Variants in APLF observed in about 807,000 individuals in gnomAD.
APLF encodes aprataxin and PNK-like factor.
A neutral mutation model predicts 55.6 loss-of-function variants in APLF; 61 were observed. The ratio of observed to expected loss-of-function variants is 1.10; its 90% CI spans 0.89 to 1.36. APLF has a LOEUF of 1.36. Ranked by LOEUF, APLF falls within the 40% of genes most tolerant of loss-of-function variation. The pLI is 0.00. For missense variants in APLF, 611 were observed against 602.5 expected, an observed-to-expected ratio of 1.01 and a Z score of -0.15; for synonymous variants, 207 against 214.8, an observed-to-expected ratio of 0.96 and a Z score of 0.32.
At chr2:68,569,600 A>G (rs1671398678) in intron 9 of APLF, among the ~76,000 whole-genome samples, 1 of 152,110 alleles carries the variant, frequency 6.6e-6, no homozygotes, top group African/African-American at 2.4e-5. Flanking sequence ...GCACTTTGGC[A>G]AATAATGATG....
At chr2:68,538,452 T>C (rs1005059300) in intron 7 of APLF, among the ~76,000 whole-genome samples, 9 of 152,214 alleles carry the variant, frequency 5.9e-5, no homozygotes, top group African/African-American at 2.2e-4. Context: ...ATAGACATGC[T>C]GACTAATGTG....
intron 7 of APLF, 141 bp from the exon 8 acceptor site, chr2:68,545,046 C>T (rs1227193613): frequency 1.1e-6 from 1 of 925,916 alleles, no homozygotes; most frequent in Non-Finnish European, 1.6e-6. Flanking sequence ...TTGATGTAAT[C>T]TGCGCTTATG....
intron 5 of APLF, among the ~76,000 whole-genome samples, chr2:68,519,182 C>A (rs1290967450): frequency 7.4e-6 from 1 of 135,532 alleles, no homozygotes; most frequent in Non-Finnish European, 1.6e-5. Flanking sequence ...ACCAATGTGA[C>A]TATATATTTA....
In APLF at chr2:68,538,185, A is replaced by G. The variant is rs1198133824; in HGVS notation, c.1118A>G (p.Lys373Arg). The change falls in exon 7 of 10, where the codon AAG becomes AGG. Residue 373 changes from lysine to arginine, a missense_variant. Lys to Arg is a conservative substitution (Grantham distance 26). Coordinates refer to ENST00000303795, the MANE Select transcript of APLF (RefSeq NM_173545.3). ...GTTCTACAAGGTTCTGAAGGAAACA[A>G]GGTCAAGAGGACATCCTGCATGTAT... ...DSVLQGSEGN[K>R]VKRTSCMYGA... 6.2e-7 allele frequency: 1 copy of G among 1,612,010 alleles called. No individual in the cohort carries two copies. The highest frequency in any genetic ancestry group is 8.5e-7 in the Non-Finnish European group (1 of 1,179,438).
At chr2:68,540,231 A>G (rs892048539) in intron 7 of APLF, among the ~76,000 whole-genome samples, 24 of 151,360 alleles carry the variant, frequency 1.6e-4, no homozygotes, top group African/African-American at 5.8e-4. Flanking sequence ...TCATTGTTCA[A>G]CTCCCACTTA....
intron 1 of APLF, among the ~76,000 whole-genome samples, chr2:68,481,372 G>GTT (rs1038431043): frequency 1.3e-5 from 2 of 151,782 alleles, no homozygotes; most frequent in South Asian, 4.2e-4. Context: ...GTTTTGTTTT[G>GTT]TTTTGTTTTG....
chr2:68,467,774 C>T lies in APLF; in HGVS notation c.43C>T (p.Arg15Trp). The T allele has an allele frequency of 3.2e-6, 4 of 1,234,486 alleles. No homozygotes were observed. Among genetic ancestry groups the T allele is most frequent in the South Asian group, 4.1e-5 (1 of 24,402 alleles). The allele number at this position is 1,234,486 out of a possible 1,614,324, so 76.5% of individuals were successfully genotyped here. The change falls in exon 1 of 10, where the codon CGG becomes TGG. Residue 15 changes from arginine to tryptophan, a missense_variant. Arg to Trp is a moderately radical substitution (Grantham distance 101). Coordinates refer to ENST00000303795, the MANE Select transcript of APLF (RefSeq NM_173545.3). ...FELQPRDGGP[R>W]VALAPGETVI... The stretch of plus-strand genomic sequence containing the variant: ...GCTGCAGCCGCGGGACGGCGGTCCC[C>T]GGGTGGCCCTGGCGCCCGGGGAGAC...
intron 7 of APLF, among the ~76,000 whole-genome samples, chr2:68,544,578 C>T (rs1352058593): frequency 6.6e-6 from 1 of 152,060 alleles, no homozygotes; most frequent in African/African-American, 2.4e-5. Flanking sequence ...TCAATAAATG[C>T]ACTTTTTCAA....
chr2:68,529,165 G>GC lies in APLF; in HGVS notation c.804+2923_804+2924insC, dbSNP rs1052445592. On this transcript the variant is annotated intron_variant, in intron 6 of 9. Coordinates refer to ENST00000303795, the MANE Select transcript of APLF (RefSeq NM_173545.3). The surrounding 1 kb of genome is among the most constrained non-coding windows in gnomAD (Gnocchi z 4.4). ...CAGACAGCACGGGTTTCTTCCTTGA[G>GC]GGGGGGCTCCAGACAACAGGAGGCA... The GC allele has an allele frequency of 2.4e-6, 3 of 1,272,666 alleles. No homozygotes were observed. The African/African-American group carries it at 6.3e-5, about 27-fold the overall frequency. 78.8% of individuals were successfully genotyped at this position (1,272,666 alleles called of 1,614,324 possible).
chr2:68,543,350 C>G (rs1670610430), intron 7 of APLF, among the ~76,000 whole-genome samples: 1 of 152,038 alleles, frequency 6.6e-6, no homozygotes, highest in African/African-American at 2.4e-5. Context: ...ATTCTTAGCA[C>G]AGTTTAAAAA....
In APLF at chr2:68,504,022, T is replaced by A. The variant is rs144299332; in HGVS notation, c.341+1119T>A. Among the ~76,000 whole-genome samples the A allele has an allele frequency of 2.3e-3, 347 of 152,116 alleles. 1 individual carries two copies. Among genetic ancestry groups the A allele is most frequent in the African/African-American group, 7.8e-3 (326 of 41,568 alleles). On this transcript the variant is annotated intron_variant, in intron 3 of 9. Transcript: ENST00000303795. The stretch of plus-strand genomic sequence containing the variant: ...GAAGAGGGGATATCATTACTGCTAC[T>A]ACAGACCTTAGAAGAATAATGAGGA...
Position 68,525,742 on chromosome 2 carries a change from C to CTTTTTTTTTTTTTTTTTTTTTTTTTTT in APLF, c.623-294_623-293insTTTTTTTTTTTTTTTTTTTTTTTTTTT, listed in dbSNP as rs386390398. 1.5e-4 allele frequency among the ~76,000 whole-genome samples: 12 copies of CTTTTTTTTTTTTTTTTTTTTTTTTTTT among 82,030 alleles called. 1 individual carries two copies. The highest frequency in any genetic ancestry group is 7.4e-4 in the African/African-American group (12 of 16,184). The allele number at this position is 82,030 out of a possible 152,430, so 53.8% of individuals were successfully genotyped here. ...TTTATCCTTTTTATTTTCTTTCTTTCTTTTTTTTTTTTTTTTTTTTTTTTT... is the reference window on the plus strand; with the variant it reads ...TTTATCCTTTTTATTTTCTTTCTTTCTTTTTTTTTTTTTTTTTTTTTTTTTTTTTTTTTTTTTTTTTTTTTTTTTTTT... On this transcript the variant is annotated intron_variant, in intron 5 of 9. Transcript: ENST00000303795.
At chr2:68,557,132 A>G (rs1445898647) in intron 8 of APLF, among the ~76,000 whole-genome samples, 1 of 152,158 alleles carries the variant, frequency 6.6e-6, no homozygotes, top group Non-Finnish European at 1.5e-5. Flanking sequence ...GCATACCAAA[A>G]TCTGGGGATG....
intron 8 of APLF, among the ~76,000 whole-genome samples, chr2:68,550,208 C>T (rs1389378542): frequency 6.6e-6 from 1 of 151,956 alleles, no homozygotes; most frequent in Non-Finnish European, 1.5e-5. Flanking sequence ...CTGATAGTAT[C>T]TGTGTTTTAG....
At chr2:68,571,488 G>A (rs1246157540) in intron 9 of APLF, among the ~76,000 whole-genome samples, 1 of 152,070 alleles carries the variant, frequency 6.6e-6, no homozygotes, top group Non-Finnish European at 1.5e-5. Context: ...GTAAGGAAGG[G>A]ATCCAGTTTC....
intron 3 of APLF, among the ~76,000 whole-genome samples, chr2:68,510,348 C>T (rs1473449092): frequency 1.3e-5 from 2 of 151,732 alleles, no homozygotes; most frequent in African/African-American, 4.8e-5. Context: ...AGGCAAACAA[C>T]CCAATTTTAA....
In APLF at chr2:68,535,857, G is replaced by T. The variant is rs140119712; in HGVS notation, c.805-2015G>T. On this transcript the variant is annotated intron_variant, in intron 6 of 9. Coordinates refer to ENST00000303795, the MANE Select transcript of APLF (RefSeq NM_173545.3). The stretch of plus-strand genomic sequence containing the variant: ...AGGTTTTAAGGTTAAGAGAAGTGCA[G>T]TGTTTATGGGGGAAATTATTTCTTC... Among the ~76,000 whole-genome samples, 326 of 152,236 alleles carry T rather than the reference G, an allele frequency of 2.1e-3. 1 individual carries two copies. Among genetic ancestry groups the T allele is most frequent in the African/African-American group, 7.3e-3 (305 of 41,540 alleles).
intron 5 of APLF, among the ~76,000 whole-genome samples, chr2:68,521,606 C>A (rs372985116): frequency 1.3e-5 from 2 of 151,854 alleles, no homozygotes; most frequent in Non-Finnish European, 2.9e-5. Flanking sequence ...GTTCTTTCAG[C>A]CTTCCAGGCC....
At chr2:68,551,679 C>T (rs1231077815) in intron 8 of APLF, among the ~76,000 whole-genome samples, 34 of 136,572 alleles carry the variant, frequency 2.5e-4, no homozygotes, top group Middle Eastern at 3.9e-3. Flanking sequence ...CAATTTTCTA[C>T]TCTTTTTTAA....
Sources: allele counts gnomAD v4.1 joint callset (sites outside exome capture counted in the v4.1 genomes callset), GRCh38; gene constraint gnomAD v4.1.1; non-coding constraint Gnocchi (gnomAD v3.1); transcripts MANE v1.5; gene names NCBI Gene and HGNC (gene_info 2026-07-23, HGNC 2026-07-21).